The following NEDD4 variants were observed in gnomAD, a reference collection of about 807,000 sequenced individuals.
NEDD4 encodes NEDD4 E3 ubiquitin protein ligase, also known as E3 ubiquitin-protein ligase NEDD4.
Under a neutral mutation model 144.9 loss-of-function variants are expected in NEDD4, and 99 were observed. That is an observed-to-expected ratio of 0.68 (90% CI 0.58 to 0.81). The LOEUF is 0.81. NEDD4 is among the 30% of genes least tolerant of loss of function. The probability of loss-of-function intolerance (pLI) is 0.00; values close to 1 mark genes in which losing one functional copy is unlikely to be tolerated. For synonymous variants in NEDD4, 318 were observed against 350.6 expected, an observed-to-expected ratio of 0.91 and a Z score of 1.04; for missense variants, 985 against 1,065.9, an observed-to-expected ratio of 0.92 and a Z score of 1.06.
At chr15:55,911,547 T>G (rs1201562368) in intron 5 of NEDD4, among the ~76,000 whole-genome samples, 3 of 151,934 alleles carry the variant, frequency 2.0e-5, no homozygotes, top group Non-Finnish European at 4.4e-5. Flanking sequence ...TTTTTTTTTT[T>G]GAGACGGGGT....
At chr15:55,843,468 A>T (rs1312408682) in intron 18 of NEDD4, among the ~76,000 whole-genome samples, 1 of 152,234 alleles carries the variant, frequency 6.6e-6, no homozygotes, top group African/African-American at 2.4e-5. Flanking sequence ...AAATGTACAC[A>T]ACTATGCTTT....
intron 1 of NEDD4, among the ~76,000 whole-genome samples, chr15:55,981,332 T>A (rs1258085766): frequency 6.6e-6 from 1 of 151,980 alleles, no homozygotes; most frequent in Non-Finnish European, 1.5e-5. Context: ...CCCAAAGTGC[T>A]GGGATTACAG....
chr15:55,889,073 C>A (rs1184089901), intron 5 of NEDD4, among the ~76,000 whole-genome samples: 1 of 152,148 alleles, frequency 6.6e-6, no homozygotes, highest in African/African-American at 2.4e-5. Flanking sequence ...TAAGCACAGA[C>A]AACCAAATCA....
At chr15:55,947,931 AG>A (rs1170691211) in intron 4 of NEDD4, among the ~76,000 whole-genome samples, 24 of 152,162 alleles carry the variant, frequency 1.6e-4, no homozygotes, top group Non-Finnish European at 3.1e-4. Flanking sequence ...TATTCAACAT[AG>A]TGTTAGAAGT....
At chr15:55,835,073 A>AAAAC (rs1209644476) in intron 24 of NEDD4, among the ~76,000 whole-genome samples, 11 of 152,264 alleles carry the variant, frequency 7.2e-5, no homozygotes, top group South Asian at 4.1e-4. Context: ...AAAACAAAGC[A>AAAAC]AAACAAACAA....
At chr15:55,942,916 A>C (rs1472236716) in intron 4 of NEDD4, among the ~76,000 whole-genome samples, 2 of 152,206 alleles carry the variant, frequency 1.3e-5, no homozygotes, top group Non-Finnish European at 2.9e-5. Flanking sequence ...TATGAACAGG[A>C]AAGTCCAGGC....
At chr15:55,865,546 T>TC (rs66605270) in intron 8 of NEDD4, among the ~76,000 whole-genome samples, 1 of 13,080 alleles carries the variant, frequency 7.6e-5, no homozygotes, top group Non-Finnish European at 3.4e-4. Flanking sequence ...AACTACTAAA[T>TC]AACATTAAAA....
chr15:55,957,852 C>T (rs1287858065), intron 2 of NEDD4, among the ~76,000 whole-genome samples: 2 of 152,164 alleles, frequency 1.3e-5, no homozygotes, highest in African/African-American at 2.4e-5. Flanking sequence ...AACCATCATT[C>T]TAAGCAAACT....
At position 55,864,564 on chromosome 15, in the gene NEDD4, C is replaced by G. The variant is rs183391976; in HGVS notation, c.508-1485G>C. Among the ~76,000 whole-genome samples, 13 of 151,642 alleles carry G rather than the reference C, an allele frequency of 8.6e-5. No individual in the cohort carries two copies. The East Asian group carries it at 2.5e-3, about 30-fold the overall frequency. ...GGTGTGGTGGCGCATGCCTGTAAAT[C>G]CCAGTTATTCGGGAGGCTGAGGCAG... On this transcript the variant is annotated intron_variant, in intron 8 of 28. Coordinates refer to ENST00000435532, the MANE Select transcript of NEDD4 (RefSeq NM_006154.4).
chr15:55,827,785 T>C lies in NEDD4; in HGVS notation c.*2112A>G, dbSNP rs554400053. On this transcript the variant is annotated 3_prime_UTR_variant, in exon 29 of 29. Coordinates refer to ENST00000435532, the MANE Select transcript of NEDD4 (RefSeq NM_006154.4). ...TACTTCCTTGTCTCTTAGAAGTCAC[T>C]TTACTTTTAAATGATTCTTTGGGAG... The C allele has an allele frequency of 1.0e-5, 1 of 95,524 alleles. No homozygotes were observed. The highest frequency in any genetic ancestry group is 3.1e-4 in the East Asian group (1 of 3,190). 5.9% of individuals were successfully genotyped at this position (95,524 alleles called of 1,614,324 possible).
chr15:55,976,692 C>A (rs2037705759), intron 1 of NEDD4, among the ~76,000 whole-genome samples: 2 of 145,208 alleles, frequency 1.4e-5, no homozygotes, highest in East Asian at 4.1e-4. Flanking sequence ...TGCAGTGGTG[C>A]AATCTCACTT....
chr15:55,976,552 T>C (rs2037702183), intron 1 of NEDD4, among the ~76,000 whole-genome samples: 1 of 151,904 alleles, frequency 6.6e-6, no homozygotes, highest in Admixed American at 6.6e-5. Context: ...AAATGGCTCT[T>C]ATCCAAAAGA....
In NEDD4 at chr15:55,840,606, C is replaced by T; in HGVS notation, c.1960G>A (p.Gly654Ser). 1 of 1,613,906 alleles carries T rather than the reference C, an allele frequency of 6.2e-7. No individual in the cohort carries two copies. The highest frequency in any genetic ancestry group is 8.5e-7 in the Non-Finnish European group (1 of 1,179,942). ...TAAAAAGTTTATACTTAATACTAAC[C>T]ATCCAACAGTTTGCCATGATAAACT... ...MAVYHGKLLD[G>S]FFIRPFYKMM... Residue 654 changes from glycine to serine, a missense_variant and splice_region_variant, in exon 20 of 29, where the codon GGT becomes AGT. Coordinates refer to ENST00000435532, the MANE Select transcript of NEDD4 (RefSeq NM_006154.4).
intron 4 of NEDD4, among the ~76,000 whole-genome samples, chr15:55,935,970 G>C (rs1466822385): frequency 1.3e-5 from 2 of 151,558 alleles, no homozygotes; most frequent in Non-Finnish European, 2.9e-5. Context: ...GAGAATCCCA[G>C]AGAAGCTGGG....
chr15:55,909,144 C>T (rs1482063334), intron 5 of NEDD4, among the ~76,000 whole-genome samples: 6 of 152,180 alleles, frequency 3.9e-5, no homozygotes, highest in Admixed American at 2.0e-4. Context: ...CAGACATCCT[C>T]GGGCCTAACT....
Position 55,979,626 on chromosome 15 carries a change from T to G in NEDD4, c.46-13080A>C, listed in dbSNP as rs144284755. Among the ~76,000 whole-genome samples, 1,457 of 152,130 alleles carry G rather than the reference T, an allele frequency of 9.6e-3. 14 individuals carry two copies. Among genetic ancestry groups the G allele is most frequent in the African/African-American group, 0.031 (1,288 of 41,550 alleles). On this transcript the variant is annotated intron_variant, in intron 1 of 28. Coordinates refer to ENST00000435532, the MANE Select transcript of NEDD4 (RefSeq NM_006154.4). Reference sequence around the variant, plus strand: ...CCTCGGCCTCCCAAAGTGCTGGGATTACAGGCGTGAGCCACCGCGCCCGGC... The same window carrying G: ...CCTCGGCCTCCCAAAGTGCTGGGATGACAGGCGTGAGCCACCGCGCCCGGC...
intron 11 of NEDD4, among the ~76,000 whole-genome samples, chr15:55,858,649 T>TG (rs2034288569): frequency 6.6e-6 from 1 of 151,980 alleles, no homozygotes; most frequent in African/African-American, 2.4e-5. Flanking sequence ...CACTCCCCTG[T>TG]GAAAAAATGA....
Position 55,956,848 on chromosome 15 carries a change from G to A in NEDD4, c.120-5259C>T, listed in dbSNP as rs75488065. Among the ~76,000 whole-genome samples the A allele has an allele frequency of 6.0e-3, 910 of 152,218 alleles. 26 individuals are homozygous for A. Among genetic ancestry groups the A allele is most frequent in the Admixed American group, 0.047 (725 of 15,288 alleles). On this transcript the variant is annotated intron_variant, in intron 2 of 28. Coordinates refer to ENST00000435532, the MANE Select transcript of NEDD4 (RefSeq NM_006154.4). Reference sequence around the variant, plus strand: ...ATCAATTTCTCTGAAAAAACTTGCTGAGATTTTTATTGGGATTGTGCCAAA... The same window carrying A: ...ATCAATTTCTCTGAAAAAACTTGCTAAGATTTTTATTGGGATTGTGCCAAA...
Position 55,829,899 on chromosome 15 carries a change from A to C in NEDD4, c.2701T>G (p.Ter901GluextTer7), listed in dbSNP as rs2032862285. The C allele has an allele frequency of 6.2e-7, 1 of 1,607,994 alleles. No homozygotes were observed. The highest frequency in any genetic ancestry group is 8.5e-7 in the Non-Finnish European group (1 of 1,175,314). ...ENTQGFDGVD* is the reference protein window; with the variant it reads ...ENTQGFDGVDE ...CACTACAGATTGTTATTTGTAATCT[A>C]ATCAACTCCATCAAAGCCCTGGGTG... is the stretch of plus-strand genomic sequence containing the variant. The change falls in exon 29 of 29, where the codon TAG (stop) becomes GAG (glutamate). Residue 901 changes from the stop codon to glutamate, a stop_lost. Coordinates refer to ENST00000435532, the MANE Select transcript of NEDD4 (RefSeq NM_006154.4).
Sources: gnomAD v4.1 joint callset for allele counts (sites outside exome capture counted in the v4.1 genomes callset) on GRCh38, gnomAD v4.1.1 for gene constraint, MANE v1.5 for transcripts, NCBI Gene and HGNC (gene_info 2026-07-23, HGNC 2026-07-21) for gene names.